The following IMMP2L variants were observed in gnomAD, a reference collection of about 807,000 sequenced individuals.
The protein encoded by IMMP2L is inner mitochondrial membrane peptidase subunit 2.
In IMMP2L, 18 loss-of-function variants were observed where a neutral mutation model predicts 19.3. The ratio of observed to expected loss-of-function variants is 0.93; its 90% CI spans 0.64 to 1.38. The LOEUF is 1.38. Among genes scored for constraint, IMMP2L ranks in the 40% most tolerant of loss-of-function variants. The pLI is 0.00. For missense variants in IMMP2L, 233 were observed against 218.2 expected, an observed-to-expected ratio of 1.07 and a Z score of -0.43; for synonymous variants, 76 against 73.0, an observed-to-expected ratio of 1.04 and a Z score of -0.21.
intron 5 of IMMP2L, among the ~76,000 whole-genome samples, chr7:110,719,949 C>T (rs979919736): frequency 1.3e-5 from 2 of 152,122 alleles, no homozygotes; most frequent in African/African-American, 4.8e-5. Context: ...TGGCTTAAAC[C>T]GATCCAATAT....
chr7:111,382,425 A>G (rs37667), intron 3 of IMMP2L, among the ~76,000 whole-genome samples: 87,275 of 151,840 alleles, frequency 0.57, 25,948 homozygotes, highest in South Asian at 0.72. Context: ...CCCAATGGTA[A>G]GAACAAGCAG....
chr7:110,952,550 A>G (rs1451893405), intron 4 of IMMP2L, among the ~76,000 whole-genome samples: 1 of 152,148 alleles, frequency 6.6e-6, no homozygotes, highest in Admixed American at 6.6e-5. Flanking sequence ...TTCATGGTAG[A>G]ACTAAGGAGT....
intron 3 of IMMP2L, among the ~76,000 whole-genome samples, chr7:111,043,299 A>C (rs1264079043): frequency 6.6e-6 from 1 of 152,224 alleles, no homozygotes; most frequent in Non-Finnish European, 1.5e-5. Context: ...AAAAGTGTTA[A>C]TACAGTATAA....
intron 3 of IMMP2L, among the ~76,000 whole-genome samples, chr7:111,112,227 G>A (rs555202867): frequency 1.3e-5 from 2 of 152,078 alleles, no homozygotes; most frequent in South Asian, 4.1e-4. Flanking sequence ...GCCTCCCAAA[G>A]TGCTGGGATT....
At chr7:111,361,200 T>C (rs1440796587) in intron 3 of IMMP2L, among the ~76,000 whole-genome samples, 1 of 152,162 alleles carries the variant, frequency 6.6e-6, no homozygotes, top group Non-Finnish European at 1.5e-5. Context: ...ATTGCTGTAG[T>C]AGAAATAACA....
Position 111,442,480 on chromosome 7 carries a change from G to A in IMMP2L, c.239+44758C>T, listed in dbSNP as rs142722765. On this transcript the variant is annotated intron_variant, in intron 3 of 5. Transcript: ENST00000405709. ...GATTTTACCCCTTTCATGACCCTTT[G>A]CTCCCTATATAAACTTTCATCAATG... Among the ~76,000 whole-genome samples, 8 of 151,638 alleles carry A rather than the reference G, an allele frequency of 5.3e-5. 1 individual carries two copies. The East Asian group carries it at 1.6e-3, about 29-fold the overall frequency.
At position 110,915,044 on chromosome 7, in the gene IMMP2L, A is replaced by C. The variant is rs546985739; in HGVS notation, c.306-28349T>G. On this transcript the variant is annotated intron_variant, in intron 4 of 5. Transcript: ENST00000405709. ...GAACAGAATGGCGGTTTCTGAAAAAAATTAACAACAGAACTATCAAACAAT... is the reference window on the plus strand; with the variant it reads ...GAACAGAATGGCGGTTTCTGAAAAACATTAACAACAGAACTATCAAACAAT... Among the ~76,000 whole-genome samples the C allele has an allele frequency of 4.8e-5, 6 of 124,774 alleles. No homozygotes were observed. In the East Asian group the frequency reaches 2.5e-3, roughly 52 times the overall value. 81.9% of individuals were successfully genotyped at this position (124,774 alleles called of 152,430 possible).
chr7:111,532,255 C>T (rs1458603629), intron 1 of IMMP2L, among the ~76,000 whole-genome samples: 1 of 152,154 alleles, frequency 6.6e-6, no homozygotes, highest in Non-Finnish European at 1.5e-5. Context: ...TGCTACCTCA[C>T]ATTTTTTCCT....
Position 110,728,585 on chromosome 7 carries a change from G to A in IMMP2L, c.409-64864C>T, listed in dbSNP as rs1354013663. Among the ~76,000 whole-genome samples, 1 of 152,084 alleles carries A rather than the reference G, an allele frequency of 6.6e-6. No homozygotes were observed. Among genetic ancestry groups the A allele is most frequent in the Non-Finnish European group, 1.5e-5 (1 of 68,006 alleles). On this transcript the variant is annotated intron_variant, in intron 5 of 5. Transcript: ENST00000405709. The surrounding 1 kb of genome is among the most constrained non-coding windows in gnomAD (Gnocchi z 4.6). Reference sequence around the variant, plus strand: ...CTGCAAAGAATAATCAGGGCAGAAGGCTCACCATTATCACATTTTATCTAA... The same window carrying A: ...CTGCAAAGAATAATCAGGGCAGAAGACTCACCATTATCACATTTTATCTAA...
rs973270746 is a variant in IMMP2L, at chr7:110,860,709, T to C, written c.408+25884A>G. Among the ~76,000 whole-genome samples the C allele has an allele frequency of 2.6e-5, 4 of 152,118 alleles. No homozygotes were observed. In the South Asian group the frequency reaches 6.2e-4, roughly 24 times the overall value. Reference sequence around the variant, plus strand: ...TCACAAATTATAGAGTTTAAATTTATAGCTCCCTTTACATCTGTCATCAAC... The same window carrying C: ...TCACAAATTATAGAGTTTAAATTTACAGCTCCCTTTACATCTGTCATCAAC... On this transcript the variant is annotated intron_variant, in intron 5 of 5. Transcript: ENST00000405709.
At chr7:111,410,433 C>A (rs1834299946) in intron 3 of IMMP2L, among the ~76,000 whole-genome samples, 1 of 150,552 alleles carries the variant, frequency 6.6e-6, no homozygotes. Context: ...CATTAGTAAC[C>A]AAAAAGAAAA....
chr7:111,202,165 A>C (rs1035344408), intron 3 of IMMP2L, among the ~76,000 whole-genome samples: 4 of 152,232 alleles, frequency 2.6e-5, no homozygotes, highest in African/African-American at 9.6e-5. Context: ...AGAGACAATT[A>C]AAAGTTAAAT....
At chr7:110,916,409 A>C (rs972725597) in intron 4 of IMMP2L, among the ~76,000 whole-genome samples, 1 of 152,128 alleles carries the variant, frequency 6.6e-6, no homozygotes, top group African/African-American at 2.4e-5. Context: ...ATGTCTTCCA[A>C]CTCTTTTGTG....
Position 110,727,499 on chromosome 7 carries a change from C to T in IMMP2L, c.409-63778G>A, listed in dbSNP as rs999837472. Among the ~76,000 whole-genome samples the T allele has an allele frequency of 6.6e-6, 1 of 152,194 alleles. No individual in the cohort carries two copies. Among genetic ancestry groups the T allele is most frequent in the African/African-American group, 2.4e-5 (1 of 41,452 alleles). ...TTATCAAGGAAGAACTTTCCTATCA[C>T]TGTTTCCTCCTCTCCCTCCCAGTGC... On this transcript the variant is annotated intron_variant, in intron 5 of 5. Transcript: ENST00000405709. The surrounding 1 kb of genome is among the most constrained non-coding windows in gnomAD (Gnocchi z 4.3).
chr7:110,903,872 G>A (rs940387230), intron 4 of IMMP2L, among the ~76,000 whole-genome samples: 7 of 151,362 alleles, frequency 4.6e-5, no homozygotes, highest in African/African-American at 7.3e-5. Flanking sequence ...ATTTCTCCAC[G>A]CCTTCACCAA....
Position 111,304,620 on chromosome 7 carries a change from G to A in IMMP2L, c.239+182618C>T, listed in dbSNP as rs976856298. Reference sequence around the variant, plus strand: ...GGGTGTATATACATATATAATGTATGGGTGTATATACATACATAATGTATG... The same window carrying A: ...GGGTGTATATACATATATAATGTATAGGTGTATATACATACATAATGTATG... On this transcript the variant is annotated intron_variant, in intron 3 of 5. Coordinates refer to ENST00000405709, the MANE Select transcript of IMMP2L (RefSeq NM_032549.4). Among the ~76,000 whole-genome samples, 6 of 150,660 alleles carry A rather than the reference G, an allele frequency of 4.0e-5. No individual in the cohort carries two copies. The East Asian group carries it at 1.2e-3, about 29-fold the overall frequency.
chr7:111,029,730 A>G (rs1165642570), intron 3 of IMMP2L, among the ~76,000 whole-genome samples: 1 of 152,192 alleles, frequency 6.6e-6, no homozygotes, highest in Non-Finnish European at 1.5e-5. Context: ...GGGTATTTCA[A>G]TGTATTGCTC....
intron 3 of IMMP2L, among the ~76,000 whole-genome samples, chr7:111,378,055 T>C (rs1830846438): frequency 6.6e-6 from 1 of 152,000 alleles, no homozygotes; most frequent in Non-Finnish European, 1.5e-5. Flanking sequence ...ACTTGGTAGC[T>C]GAAGATCGTG....
intron 3 of IMMP2L, among the ~76,000 whole-genome samples, chr7:111,082,629 T>C (rs1795978237): frequency 6.6e-6 from 1 of 152,096 alleles, no homozygotes; most frequent in Non-Finnish European, 1.5e-5. Flanking sequence ...CAGCCAGGCT[T>C]CTCCCAGGCT....
Sources: gnomAD v4.1 joint callset for allele counts (sites outside exome capture counted in the v4.1 genomes callset) on GRCh38, gnomAD v4.1.1 for gene constraint, Gnocchi (gnomAD v3.1) non-coding constraint, MANE v1.5 for transcripts, NCBI Gene and HGNC (gene_info 2026-07-23, HGNC 2026-07-21) for gene names.